The following RMDN2 variants were observed in gnomAD, a reference collection of about 807,000 sequenced individuals.
RMDN2 encodes regulator of microtubule dynamics protein 2.
In RMDN2, 61 loss-of-function variants were observed where a neutral mutation model predicts 52.8. That is an observed-to-expected ratio of 1.16 (90% CI 0.94 to 1.43). The LOEUF (loss-of-function observed/expected upper bound fraction) is 1.43. Among genes scored for constraint, RMDN2 ranks in the 40% most tolerant of loss-of-function variants. The pLI is 0.00. For missense variants in RMDN2, 592 were observed against 475.3 expected (o/e 1.25, Z -2.28); for synonymous variants, 180 against 153.1 (o/e 1.18, Z -1.30).
intron 2 of RMDN2, among the ~76,000 whole-genome samples, chr2:37,959,797 A>T (rs941328537): frequency 6.6e-6 from 1 of 150,756 alleles, no homozygotes; most frequent in African/African-American, 2.5e-5. Context: ...AGTGCTATAA[A>T]TTTCCCTCTA....
intron 1 of RMDN2, 108 bp from the exon 2 acceptor site, chr2:37,929,154 A>G: frequency 1.5e-6 from 1 of 652,920 alleles, no homozygotes; most frequent in Non-Finnish European, 2.7e-6. Context: ...TACTTTTTGT[A>G]AATCCTGTGA....
chr2:37,970,539 A>T (rs1376676539), intron 2 of RMDN2, among the ~76,000 whole-genome samples: 1 of 152,146 alleles, frequency 6.6e-6, no homozygotes, highest in African/African-American at 2.4e-5. Flanking sequence ...CAGTTATATT[A>T]GTTTTATAAA....
intron 10 of RMDN2, among the ~76,000 whole-genome samples, chr2:38,065,631 G>A (rs534888767): frequency 7.2e-5 from 11 of 152,326 alleles, no homozygotes; most frequent in African/African-American, 2.4e-4. Context: ...CACGGGCTCT[G>A]AGAGACGGAA....
chr2:37,978,103 G>A (rs966356965), intron 4 of RMDN2, among the ~76,000 whole-genome samples: 12 of 152,288 alleles, frequency 7.9e-5, no homozygotes, highest in African/African-American at 2.6e-4. Context: ...CAGATCACTC[G>A]CGATCAGGAG....
chr2:38,066,267 AGT>A (rs1169063120), intron 10 of RMDN2, among the ~76,000 whole-genome samples: 3 of 152,220 alleles, frequency 2.0e-5, no homozygotes, highest in Admixed American at 6.5e-5. Context: ...CATGTTGAAA[AGT>A]GTGCATGAAG....
chr2:38,003,604 G>GA (rs1306774545), intron 8 of RMDN2, among the ~76,000 whole-genome samples: 38 of 103,250 alleles, frequency 3.7e-4, no homozygotes, highest in African/African-American at 1.0e-3. Context: ...AGATAGATAG[G>GA]CAGACAGACA....
rs1047463610 is a variant in RMDN2 at position 37,932,345 on chromosome 2, T to C, written c.452+2616T>C. Among the ~76,000 whole-genome samples, 307 of 152,102 alleles carry C rather than the reference T, an allele frequency of 2.0e-3. 1 individual carries two copies. Among genetic ancestry groups the C allele is most frequent in the African/African-American group, 7.0e-3 (292 of 41,450 alleles). The stretch of plus-strand genomic sequence containing the variant: ...CTTAATCCATTCAACCCTGGGTGGA[T>C]ACAGCACATGTTTCAGAGAGCACAG... On this transcript the variant is annotated intron_variant, in intron 2 of 10. Coordinates refer to ENST00000354545, the MANE Select transcript of RMDN2 (RefSeq NM_001170791.3).
chr2:38,021,265 A>G (rs903176802), downstream of RMDN2, among the ~76,000 whole-genome samples: 2 of 152,194 alleles, frequency 1.3e-5, no homozygotes, highest in African/African-American at 2.4e-5. Flanking sequence ...CGGACCAATC[A>G]GCTCTCTGTA....
chr2:37,960,392 A>T (rs1460293958), intron 2 of RMDN2, among the ~76,000 whole-genome samples: 1 of 151,994 alleles, frequency 6.6e-6, no homozygotes, highest in Non-Finnish European at 1.5e-5. Context: ...TCCCCTTACC[A>T]TTATGTAATT....
At chr2:37,969,458 T>C (rs1437067655) in intron 2 of RMDN2, among the ~76,000 whole-genome samples, 2 of 151,580 alleles carry the variant, frequency 1.3e-5, no homozygotes, top group African/African-American at 4.8e-5. Flanking sequence ...AGGTATCTTA[T>C]ATTTTTCTTA....
chr2:38,062,317 T>C (rs1294239560), intron 10 of RMDN2, among the ~76,000 whole-genome samples: 1 of 152,234 alleles, frequency 6.6e-6, no homozygotes, highest in Non-Finnish European at 1.5e-5. Context: ...AATGGAATTG[T>C]GCAGTGTGTA....
chr2:38,034,246 A>G (rs1038129174), intron 10 of RMDN2, among the ~76,000 whole-genome samples: 2 of 152,162 alleles, frequency 1.3e-5, no homozygotes, highest in Admixed American at 6.5e-5. Flanking sequence ...CAGCCGTGAC[A>G]CTAAACTTGT....
chr2:38,064,003 TATAC>T (rs1682165877), intron 10 of RMDN2, among the ~76,000 whole-genome samples: 2 of 152,152 alleles, frequency 1.3e-5, no homozygotes, highest in African/African-American at 2.4e-5. Flanking sequence ...TGTGTGTATA[TATAC>T]ATACATAAAT....
At chr2:38,043,136 A>G (rs928029783) in intron 10 of RMDN2, among the ~76,000 whole-genome samples, 8 of 152,152 alleles carry the variant, frequency 5.3e-5, no homozygotes, top group African/African-American at 1.7e-4. Context: ...TCTCCCTGCA[A>G]TCTTAACTGT....
intron 10 of RMDN2, chr2:38,036,643 A>G (rs1206346473): frequency 6.6e-6 from 1 of 151,372 alleles, no homozygotes; most frequent in Non-Finnish European, 1.5e-5. Flanking sequence ...GTCGTGGGGA[A>G]CCTGTTGAAA....
At chr2:37,975,187 A>C (rs1275743250) in intron 3 of RMDN2, 25 bp from the exon 4 acceptor site, 1 of 1,343,768 alleles carries the variant, frequency 7.4e-7, no homozygotes, top group Non-Finnish European at 1.1e-6. Context: ...TTAATTTAAC[A>C]GGCAACTCCA....
At chr2:38,061,326 C>T (rs1338267831) in intron 10 of RMDN2, among the ~76,000 whole-genome samples, 1 of 152,154 alleles carries the variant, frequency 6.6e-6, no homozygotes, top group African/African-American at 2.4e-5. Flanking sequence ...ACGGTCTGGA[C>T]CCACCAGTGC....
intron 10 of RMDN2, among the ~76,000 whole-genome samples, chr2:38,040,450 C>T (rs1238579293): frequency 6.6e-6 from 1 of 152,152 alleles, no homozygotes; most frequent in Non-Finnish European, 1.5e-5. Flanking sequence ...GCTCCCTTGT[C>T]CCTTCCATCA....
intron 7 of RMDN2, among the ~76,000 whole-genome samples, 166 bp downstream of exon 7, chr2:37,991,463 C>T (rs964414724): frequency 7.3e-5 from 11 of 151,552 alleles, no homozygotes; most frequent in Non-Finnish European, 1.5e-4. Flanking sequence ...AAAATTGTAT[C>T]TGAATTTATA....
Sources: allele counts gnomAD v4.1 joint callset (sites outside exome capture counted in the v4.1 genomes callset), GRCh38; gene constraint gnomAD v4.1.1; transcripts MANE v1.5; gene names NCBI Gene and HGNC (gene_info 2026-07-23, HGNC 2026-07-21).